Variants in DNAAF4 observed in about 807,000 individuals in gnomAD.
DNAAF4 encodes dynein assembly factor 4, axonemal.
A neutral mutation model predicts 51.8 loss-of-function variants in DNAAF4; 43 were observed. That is an observed-to-expected ratio of 0.83 (90% confidence interval 0.65 to 1.07). The LOEUF is 1.07. Ranked by LOEUF, DNAAF4 falls within the 50% of genes least tolerant of loss-of-function variation. DNAAF4 has a pLI of 0.00. For missense variants in DNAAF4, 581 were observed against 493.0 expected (o/e 1.18, Z -1.69); for synonymous variants, 194 against 165.6 (o/e 1.17, Z -1.32).
chr15:55,425,581 AT>A (rs61564623), downstream of DNAAF4, among the ~76,000 whole-genome samples: 147,992 of 150,854 alleles, frequency 0.98, 72,635 homozygotes, highest in South Asian at 1. Context: ...GAGTAAAAGC[AT>A]TTTTTTTTTC....
intron 6 of DNAAF4, among the ~76,000 whole-genome samples, chr15:55,441,004 T>A (rs1314351018): frequency 1.3e-5 from 2 of 150,720 alleles, no homozygotes; most frequent in Non-Finnish European, 3.0e-5. Context: ...TAAACCTCAA[T>A]AGCTGGTGGA....
chr15:55,469,853 C>G (rs544310570), intron 4 of DNAAF4, among the ~76,000 whole-genome samples: 1 of 151,830 alleles, frequency 6.6e-6, no homozygotes, highest in Non-Finnish European at 1.5e-5. Flanking sequence ...ATTATCTACC[C>G]GGAGTTAGCA....
intron 6 of DNAAF4, among the ~76,000 whole-genome samples, chr15:55,448,361 T>A (rs1225027147): frequency 1.3e-5 from 2 of 151,990 alleles, no homozygotes; most frequent in African/African-American, 4.8e-5. Flanking sequence ...AGGATATTGA[T>A]CTAAAATTCT....
intron 8 of DNAAF4, among the ~76,000 whole-genome samples, chr15:55,433,085 A>C (rs1390657945): frequency 6.6e-6 from 1 of 151,960 alleles, no homozygotes; most frequent in African/African-American, 2.4e-5. Context: ...AGATCACCCA[A>C]AGTCAGGAGC....
intron 4 of DNAAF4, among the ~76,000 whole-genome samples, chr15:55,489,934 C>T (rs921307599): frequency 1.4e-5 from 2 of 148,122 alleles, no homozygotes; most frequent in African/African-American, 5.0e-5. Context: ...AGTGCAGTGG[C>T]GCAATCTCCG....
At chr15:55,487,712 T>C (rs2058512514) in intron 4 of DNAAF4, among the ~76,000 whole-genome samples, 1 of 151,718 alleles carries the variant, frequency 6.6e-6, no homozygotes, top group African/African-American at 2.4e-5. Flanking sequence ...CACCATGAGG[T>C]ATGCGGCTTC....
At chr15:55,500,227 T>C (rs2058688569) in intron 1 of DNAAF4, among the ~76,000 whole-genome samples, 1 of 152,142 alleles carries the variant, frequency 6.6e-6, no homozygotes, top group Admixed American at 6.5e-5. Flanking sequence ...AACCATCTTT[T>C]CCCCAAAATA....
intron 4 of DNAAF4, among the ~76,000 whole-genome samples, chr15:55,482,837 C>T (rs1475563441): frequency 6.6e-6 from 1 of 152,074 alleles, no homozygotes; most frequent in Non-Finnish European, 1.5e-5. Flanking sequence ...CCATACTATG[C>T]CATATTATTC....
intron 5 of DNAAF4, among the ~76,000 whole-genome samples, chr15:55,461,270 G>A (rs757204221): frequency 1.3e-4 from 20 of 151,802 alleles, no homozygotes; most frequent in African/African-American, 3.4e-4. Flanking sequence ...GGGTTTCACC[G>A]TGTTAGCCAC....
chr15:55,507,727 C>CA (rs2141617844), intron 1 of DNAAF4, among the ~76,000 whole-genome samples: 1 of 152,308 alleles, frequency 6.6e-6, no homozygotes, highest in African/African-American at 2.4e-5. Context: ...CATTGTGTCT[C>CA]ACGCCTGTAA....
exon 8 of DNAAF4, chr15:55,417,789 G>A (rs143890140): frequency 0.026 from 5,496 of 214,002 alleles, 96 homozygotes; most frequent in Non-Finnish European, 0.037. Context: ...AATCACCTGG[G>A]TGGAGGCGGG....
At chr15:55,421,076 G>A (rs924133160) in intron 7 of DNAAF4, among the ~76,000 whole-genome samples, 4 of 151,294 alleles carry the variant, frequency 2.6e-5, no homozygotes, top group African/African-American at 9.7e-5. Context: ...TATAGTCCCA[G>A]CTACTTAGGA....
intron 6 of DNAAF4, among the ~76,000 whole-genome samples, chr15:55,443,642 A>G (rs1403279927): frequency 2.0e-5 from 3 of 152,162 alleles, no homozygotes; most frequent in Non-Finnish European, 4.4e-5. Flanking sequence ...ACAATGGTTG[A>G]ACTAGTTTAC....
intron 4 of DNAAF4, 146 bp from the exon 5 acceptor site, chr15:55,467,307 T>A: frequency 1.2e-6 from 1 of 814,874 alleles, no homozygotes; most frequent in East Asian, 2.7e-5. Context: ...AATTATGAAT[T>A]AAAATGGGAA....
At chr15:55,456,483 T>C (rs2058023196) in intron 5 of DNAAF4, among the ~76,000 whole-genome samples, 2 of 152,134 alleles carry the variant, frequency 1.3e-5, no homozygotes, top group Non-Finnish European at 2.9e-5. Flanking sequence ...GGAGGGAAAA[T>C]GGCAGATCGG....
At chr15:55,419,418 TGTG>T (rs1377239969) in intron 7 of DNAAF4, among the ~76,000 whole-genome samples, 2 of 151,796 alleles carry the variant, frequency 1.3e-5, no homozygotes, top group African/African-American at 4.8e-5. Flanking sequence ...TGTGTGTGTG[TGTG>T]TAGATGGAGT....
chr15:55,470,754 AG>A (rs2058242816), intron 4 of DNAAF4, among the ~76,000 whole-genome samples: 1 of 151,538 alleles, frequency 6.6e-6, no homozygotes, highest in African/African-American at 2.4e-5. Context: ...CTTGCTGCCC[AG>A]GCTGGTCTTG....
At chr15:55,440,112 G>C (rs563524102) in intron 6 of DNAAF4, among the ~76,000 whole-genome samples, 50 of 151,424 alleles carry the variant, frequency 3.3e-4, no homozygotes, top group African/African-American at 1.1e-3. Context: ...AGTGCAAGTG[G>C]AGCAATCTCA....
At chr15:55,445,032 C>CCT (rs1567007993) in intron 6 of DNAAF4, among the ~76,000 whole-genome samples, 11 of 109,030 alleles carry the variant, frequency 1.0e-4, no homozygotes, top group Non-Finnish European at 1.8e-4. Flanking sequence ...ATTGAATACC[C>CCT]TTTTTTTTTT....
Sources: gnomAD v4.1 joint callset for allele counts (sites outside exome capture counted in the v4.1 genomes callset) on GRCh38, gnomAD v4.1.1 for gene constraint, MANE v1.5 for transcripts, NCBI Gene and HGNC (gene_info 2026-07-23, HGNC 2026-07-21) for gene names.